PRMT3: variants seen among roughly 807,000 people sequenced by gnomAD.
PRMT3 encodes the protein protein arginine methyltransferase 3.
PRMT3 carries 62 observed loss-of-function variants against 71.9 expected under a neutral mutation model. The ratio of observed to expected loss-of-function variants is 0.86; its 90% CI spans 0.70 to 1.07. The LOEUF is 1.07. Among genes scored for constraint, PRMT3 ranks in the 50% least tolerant of loss-of-function variants. PRMT3 has a pLI of 0.00. For synonymous variants in PRMT3, 213 were observed against 220.4 expected (o/e 0.97, Z 0.30); for missense variants, 663 against 643.0 (o/e 1.03, Z -0.34).
At chr11:20,499,858 G>T (rs758046378) in intron 15 of PRMT3, among the ~76,000 whole-genome samples, 1 of 152,122 alleles carries the variant, frequency 6.6e-6, no homozygotes, top group African/African-American at 2.4e-5. Context: ...CTGAAATTCC[G>T]GTCCCAGGTA....
At chr11:20,423,524 G>A (rs560059291) in intron 9 of PRMT3, among the ~76,000 whole-genome samples, 1 of 152,172 alleles carries the variant, frequency 6.6e-6, no homozygotes, top group East Asian at 1.9e-4. Context: ...CATATGTCCT[G>A]CAAGTCTAAA....
At chr11:20,395,731 T>G in intron 5 of PRMT3, 72 bp from the exon 6 acceptor site, 2 of 1,437,158 alleles carry the variant, frequency 1.4e-6, no homozygotes, top group Admixed American at 4.2e-5. Context: ...AGGGCGTATT[T>G]ATTCCTAACA....
At chr11:20,480,185 G>C (rs1181147686) in intron 13 of PRMT3, among the ~76,000 whole-genome samples, 1 of 152,136 alleles carries the variant, frequency 6.6e-6, no homozygotes, top group Non-Finnish European at 1.5e-5. Flanking sequence ...GAGCATAAAA[G>C]AAGTCTCTGG....
chr11:20,461,825 A>C (rs1850389881), intron 11 of PRMT3, among the ~76,000 whole-genome samples, 155 bp from the exon 12 acceptor site: 1 of 152,206 alleles, frequency 6.6e-6, no homozygotes, highest in South Asian at 2.1e-4. Context: ...CTACAAGATG[A>C]AGCATGGTTG....
At chr11:20,396,062 G>A in intron 6 of PRMT3, 100 bp downstream of exon 6, 1 of 1,054,982 alleles carries the variant, frequency 9.5e-7, no homozygotes, top group Non-Finnish European at 1.4e-6. Context: ...ATACTGGAAA[G>A]TACAATGTAG....
At chr11:20,421,708 T>G (rs902832725) in intron 9 of PRMT3, among the ~76,000 whole-genome samples, 23 of 152,296 alleles carry the variant, frequency 1.5e-4, no homozygotes, top group African/African-American at 5.5e-4. Flanking sequence ...CCTTGGTTAT[T>G]TTTTCCCTTG....
intron 13 of PRMT3, among the ~76,000 whole-genome samples, chr11:20,471,943 AT>A (rs112414970): frequency 1.3e-5 from 2 of 150,460 alleles, no homozygotes; most frequent in African/African-American, 2.4e-5. Context: ...ATTCCTAGGT[AT>A]TTTTTTTTGT....
chr11:20,400,044 C>T (rs79093563), intron 7 of PRMT3, among the ~76,000 whole-genome samples: 4,032 of 152,286 alleles, frequency 0.026, 169 homozygotes, highest in Admixed American at 0.12. Context: ...TGCCAAGTTA[C>T]GTGCCTTGGA....
At chr11:20,396,225 A>G (rs542397184) in intron 6 of PRMT3, among the ~76,000 whole-genome samples, 4 of 152,238 alleles carry the variant, frequency 2.6e-5, no homozygotes, top group African/African-American at 7.2e-5. Context: ...CCTTCCTTTC[A>G]GTTTTCCTGT....
At chr11:20,483,313 A>AAAT (rs1168760179) in intron 13 of PRMT3, among the ~76,000 whole-genome samples, 2 of 152,130 alleles carry the variant, frequency 1.3e-5, no homozygotes, top group African/African-American at 4.8e-5. Flanking sequence ...CTTAATATTA[A>AAAT]AATATAATGT....
intron 5 of PRMT3, among the ~76,000 whole-genome samples, chr11:20,394,224 G>A (rs534937062): frequency 2.0e-5 from 3 of 152,170 alleles, no homozygotes; most frequent in East Asian, 3.8e-4. Context: ...AAGTTGATCC[G>A]AAAGTTAGAT....
chr11:20,405,918 TTCA>T (rs1849059745), intron 8 of PRMT3: 1 of 152,178 alleles, frequency 6.6e-6, no homozygotes, highest in South Asian at 2.1e-4. Flanking sequence ...TCCAGAACTC[TTCA>T]TCTTATAAAA....
Position 20,409,538 on chromosome 11 carries a change from G to A in PRMT3, c.893+1506G>A, listed in dbSNP as rs1239897919. The stretch of plus-strand genomic sequence containing the variant: ...CACATGTTAAATATTTGGAGCGTTA[G>A]CTATGGTTATTATTAACAAATACCA... On this transcript the variant is annotated intron_variant, in intron 9 of 15. Transcript: ENST00000331079. 2.6e-5 allele frequency among the ~76,000 whole-genome samples: 4 copies of A among 152,212 alleles called. 1 individual carries two copies. In the South Asian group the frequency reaches 8.3e-4, roughly 32 times the overall value.
At chr11:20,410,772 T>A (rs1403964800) in intron 9 of PRMT3, among the ~76,000 whole-genome samples, 2 of 152,110 alleles carry the variant, frequency 1.3e-5, no homozygotes, top group African/African-American at 2.4e-5. Context: ...AGGATGGGTG[T>A]CAATTTGCAT....
At chr11:20,486,789 G>T (rs1016383269) in intron 13 of PRMT3, among the ~76,000 whole-genome samples, 2 of 152,196 alleles carry the variant, frequency 1.3e-5, no homozygotes, top group African/African-American at 4.8e-5. Context: ...GGGCACAGTG[G>T]CTCATGCCTG....
chr11:20,440,770 C>T (rs1462280959), intron 10 of PRMT3, among the ~76,000 whole-genome samples: 2 of 152,086 alleles, frequency 1.3e-5, no homozygotes, highest in Non-Finnish European at 2.9e-5. Flanking sequence ...GTGTCCCAAG[C>T]ACTGGTTACT....
At chr11:20,486,337 G>C (rs998659090) in intron 13 of PRMT3, among the ~76,000 whole-genome samples, 1 of 152,226 alleles carries the variant, frequency 6.6e-6, no homozygotes, top group African/African-American at 2.4e-5. Flanking sequence ...GTTTAAATGA[G>C]GGAAGAGAAA....
chr11:20,442,968 AG>A (rs1381456967), intron 10 of PRMT3, among the ~76,000 whole-genome samples: 1 of 152,176 alleles, frequency 6.6e-6, no homozygotes. Flanking sequence ...AGGCCAAGGC[AG>A]GAAGATTGCT....
intron 9 of PRMT3, among the ~76,000 whole-genome samples, chr11:20,424,856 C>T (rs796090781): frequency 3.1e-4 from 47 of 152,222 alleles, no homozygotes; most frequent in African/African-American, 1.1e-3. Context: ...TGTGGCAGCT[C>T]ATGCCTGTAA....
Sources: gnomAD v4.1 joint callset for allele counts (sites outside exome capture counted in the v4.1 genomes callset) on GRCh38, gnomAD v4.1.1 for gene constraint, MANE v1.5 for transcripts, NCBI Gene and HGNC (gene_info 2026-07-23, HGNC 2026-07-21) for gene names.